NADK2: variants seen among roughly 807,000 people sequenced by gnomAD.
NADK2 encodes the protein NAD kinase domain-containing protein 1, mitochondrial.
A neutral mutation model predicts 62.1 loss-of-function variants in NADK2; 35 were observed. That is an observed-to-expected ratio of 0.56 (90% CI 0.43 to 0.75). NADK2 has a LOEUF of 0.75. NADK2 is among the 30% of genes least tolerant of loss of function. NADK2 has a pLI of 0.00. For synonymous variants in NADK2, 205 were observed against 207.9 expected, an observed-to-expected ratio of 0.99 and a Z score of 0.12; for missense variants, 439 against 561.3, an observed-to-expected ratio of 0.78 and a Z score of 2.20.
intron 11 of NADK2, among the ~76,000 whole-genome samples, chr5:36,196,255 C>T (rs2112048413): frequency 6.6e-6 from 1 of 152,232 alleles, no homozygotes; most frequent in South Asian, 2.1e-4. Context: ...ATATTCCTAA[C>T]AGAAATTTAG....
rs1746333179 is a variant in NADK2, at chr5:36,198,884, G to A, written c.1067-1220C>T. Among the ~76,000 whole-genome samples, 4 of 151,820 alleles carry A rather than the reference G, an allele frequency of 2.6e-5. No individual in the cohort carries two copies. In the South Asian group the frequency reaches 8.3e-4, roughly 32 times the overall value. ...CTTCTTTTTTCAAACTATTTTAGAG[G>A]CAAACTGTCCCCCCAACAAAGGAGG... On this transcript the variant is annotated intron_variant, in intron 10 of 11. Coordinates refer to ENST00000381937, the MANE Select transcript of NADK2 (RefSeq NM_001085411.3).
Position 36,205,499 on chromosome 5 carries a change from C to T in NADK2, c.956+1671G>A, listed in dbSNP as rs1431623082. On this transcript the variant is annotated intron_variant, in intron 8 of 11. Coordinates refer to ENST00000381937, the MANE Select transcript of NADK2 (RefSeq NM_001085411.3). The surrounding 1 kb of genome is among the most constrained non-coding windows in gnomAD (Gnocchi z 4.1). ...GCCATAGGTGGGGGTAAGGGTAGGGCAGGAATAAGGCCAATAAGATCGCTA... is the reference window on the plus strand; with the variant it reads ...GCCATAGGTGGGGGTAAGGGTAGGGTAGGAATAAGGCCAATAAGATCGCTA... Among the ~76,000 whole-genome samples the T allele has an allele frequency of 6.6e-6, 1 of 151,874 alleles. No individual in the cohort carries two copies. The highest frequency in any genetic ancestry group is 2.1e-4 in the South Asian group (1 of 4,812).
intron 7 of NADK2, among the ~76,000 whole-genome samples, chr5:36,208,324 T>A (rs181518747): frequency 6.6e-6 from 1 of 152,226 alleles, no homozygotes; most frequent in African/African-American, 2.4e-5. Context: ...AGCTTTGTTA[T>A]GTCTTCCTAG....
At chr5:36,210,375 G>A (rs1038936404) in intron 7 of NADK2, among the ~76,000 whole-genome samples, 7 of 152,112 alleles carry the variant, frequency 4.6e-5, no homozygotes, top group African/African-American at 1.4e-4. Context: ...TGCCGGTAAT[G>A]AAACACACAC....
In NADK2 at chr5:36,194,997, C is replaced by T; in HGVS notation, c.*147G>A. On this transcript the variant is annotated 3_prime_UTR_variant, in exon 12 of 12. Transcript: ENST00000381937. ...GAATGTCTTTTTTTCTATCAGAATC[C>T]AACAGAAGAATAATGCAAATCTCAC... 1 of 747,870 alleles carries T rather than the reference C, an allele frequency of 1.3e-6. No individual in the cohort carries two copies. The highest frequency in any genetic ancestry group is 2.0e-6 in the Non-Finnish European group (1 of 488,798). 46.3% of individuals were successfully genotyped at this position (747,870 alleles called of 1,614,324 possible). A position where few individuals can be genotyped will look rare whatever the true frequency, so the allele number is the denominator to read the frequency against.
At chr5:36,200,485 C>CTTA (rs1746403891) in intron 9 of NADK2, among the ~76,000 whole-genome samples, 1 of 151,876 alleles carries the variant, frequency 6.6e-6, no homozygotes, top group Non-Finnish European at 1.5e-5. Context: ...CCCCCTCGCC[C>CTTA]TTATTAGCAC....
At chr5:36,211,077 G>A (rs1002538664) in intron 7 of NADK2, among the ~76,000 whole-genome samples, 4 of 152,060 alleles carry the variant, frequency 2.6e-5, no homozygotes, top group Admixed American at 6.6e-5. Flanking sequence ...TTGGGAGGCC[G>A]AGGCAGGCAG....
At chr5:36,232,666 C>T (rs567803714) in intron 1 of NADK2, among the ~76,000 whole-genome samples, 1 of 152,194 alleles carries the variant, frequency 6.6e-6, no homozygotes, top group Admixed American at 6.5e-5. Context: ...CTTTATTTTC[C>T]CCAACGTTCT....
At chr5:36,221,116 C>T (rs1420966391) in intron 4 of NADK2, 1 of 152,198 alleles carries the variant, frequency 6.6e-6, no homozygotes, top group Non-Finnish European at 1.5e-5. Context: ...AGGAAGCTAC[C>T]TTGGAGGCTG....
chr5:36,226,213 A>T (rs896678962), intron 3 of NADK2, among the ~76,000 whole-genome samples: 1 of 152,190 alleles, frequency 6.6e-6, no homozygotes, highest in Non-Finnish European at 1.5e-5. Context: ...AATTATACCA[A>T]AATACAATAA....
At chr5:36,228,364 C>T (rs998454840) in intron 1 of NADK2, among the ~76,000 whole-genome samples, 1 of 152,070 alleles carries the variant, frequency 6.6e-6, no homozygotes, top group Non-Finnish European at 1.5e-5. Context: ...TGCTAGAATT[C>T]AAAAGTGTGT....
intron 5 of NADK2, 144 bp from the exon 6 acceptor site, chr5:36,218,028 G>C: frequency 1.6e-6 from 1 of 640,504 alleles, no homozygotes; most frequent in Admixed American, 3.0e-5. Context: ...AACACCTAAA[G>C]CCTATAGCTT....
chr5:36,202,785 G>A (rs1164257037), intron 8 of NADK2, among the ~76,000 whole-genome samples: 2 of 152,044 alleles, frequency 1.3e-5, no homozygotes, highest in African/African-American at 4.8e-5. Flanking sequence ...GTAGAGCCAC[G>A]TGATGGAAGA....
intron 4 of NADK2, 151 bp downstream of exon 4, chr5:36,225,391 G>A: frequency 3.3e-6 from 2 of 606,282 alleles, no homozygotes; most frequent in South Asian, 2.4e-5. Context: ...TGTGAACATG[G>A]TCAAGAAAAT....
At position 36,241,177 on chromosome 5, in the gene NADK2, C is replaced by G. The variant is rs1748100384; in HGVS notation, c.300+322G>C. Among the ~76,000 whole-genome samples the G allele has an allele frequency of 6.6e-6, 1 of 152,146 alleles. No individual in the cohort carries two copies. Among genetic ancestry groups the G allele is most frequent in the African/African-American group, 2.4e-5 (1 of 41,436 alleles). On this transcript the variant is annotated intron_variant, in intron 1 of 11. Coordinates refer to ENST00000381937, the MANE Select transcript of NADK2 (RefSeq NM_001085411.3). The surrounding 1 kb of genome is among the most constrained non-coding windows in gnomAD (Gnocchi z 4.9). ...AGGGCGGGGGCGGCGAGGGCACCAA[C>G]GAATCCTCAAACCCCTCACTCTGAG...
Position 36,241,800 on chromosome 5 carries a change from G to A in NADK2, c.-2C>T. 2 of 1,321,892 alleles carry A rather than the reference G, an allele frequency of 1.5e-6. No individual in the cohort carries two copies. The highest frequency in any genetic ancestry group is 1.8e-5 in the South Asian group (1 of 55,166). The allele number at this position is 1,321,892 out of a possible 1,614,324, so 81.9% of individuals were successfully genotyped here. On this transcript the variant is annotated 5_prime_UTR_variant, in exon 1 of 12. The change creates a new upstream start codon in the 5' untranslated region. Transcript: ENST00000381937. The surrounding 1 kb of genome is among the most constrained non-coding windows in gnomAD (Gnocchi z 4.9). ...CAAGAAGCCTCGGTAGCAAGTCATC[G>A]TGGGCCGGGCCGCGGCCGCGGGCTT...
intron 1 of NADK2, among the ~76,000 whole-genome samples, chr5:36,239,603 CTT>C (rs1748034434): frequency 1.3e-5 from 2 of 152,114 alleles, no homozygotes; most frequent in African/African-American, 2.4e-5. Flanking sequence ...CTTTTTAAGA[CTT>C]ATTGATTTTC....
intron 10 of NADK2, among the ~76,000 whole-genome samples, chr5:36,198,619 A>G (rs1310033477): frequency 1.4e-5 from 2 of 148,142 alleles, no homozygotes; most frequent in East Asian, 3.9e-4. Flanking sequence ...ATTAATATAT[A>G]TATACATCCT....
At chr5:36,239,878 T>TA (rs1375861620) in intron 1 of NADK2, among the ~76,000 whole-genome samples, 1 of 152,144 alleles carries the variant, frequency 6.6e-6, no homozygotes, top group African/African-American at 2.4e-5. Context: ...AGAACACACA[T>TA]AGGAAGTTAA....
Sources: gnomAD v4.1 joint callset for allele counts (sites outside exome capture counted in the v4.1 genomes callset) on GRCh38, gnomAD v4.1.1 for gene constraint, Gnocchi (gnomAD v3.1) non-coding constraint, MANE v1.5 for transcripts, NCBI Gene and HGNC (gene_info 2026-07-23, HGNC 2026-07-21) for gene names.